The following RELN variants were observed in gnomAD, a reference collection of about 807,000 sequenced individuals.
RELN encodes reelin.
Under a neutral mutation model 427.6 loss-of-function variants are expected in RELN, and 108 were observed. The ratio of observed to expected loss-of-function variants is 0.25; its 90% CI spans 0.22 to 0.30. The LOEUF is 0.30. Among genes scored for constraint, RELN ranks in the 10% least tolerant of loss-of-function variants. The probability of loss-of-function intolerance (pLI) is 1.00; values close to 1 mark genes in which losing one functional copy is unlikely to be tolerated. For synonymous variants in RELN, 1,524 were observed against 1,513.4 expected (o/e 1.01, Z -0.16); for missense variants, 3,715 against 4,302.8 (o/e 0.86, Z 3.82).
intron 14 of RELN, 70 bp downstream of exon 14, chr7:103,652,481 C>A: frequency 8.3e-7 from 1 of 1,209,040 alleles, no homozygotes; most frequent in South Asian, 1.2e-5. Flanking sequence ...CTAGAAACTA[C>A]CTCTTATTTA....
rs1023649284 is a variant in RELN, at chr7:103,728,031, G to A, written c.753+80C>T. ...ATTTGAATTTTCATCTGAACTTTAA[G>A]AGCATAAGAAAAACTTTTGTTGGCA... On this transcript the variant is annotated intron_variant, in intron 7 of 64. Transcript: ENST00000428762. 8 of 1,304,492 alleles carry A rather than the reference G, an allele frequency of 6.1e-6. No homozygotes were observed. In the African/African-American group the frequency reaches 1.2e-4, roughly 19 times the overall value. 80.8% of individuals were successfully genotyped at this position (1,304,492 alleles called of 1,614,324 possible). A position where few individuals can be genotyped will look rare whatever the true frequency, so the allele number is the denominator to read the frequency against.
intron 1 of RELN, among the ~76,000 whole-genome samples, chr7:103,925,835 T>C (rs1795719236): frequency 6.6e-6 from 1 of 152,138 alleles, no homozygotes; most frequent in Non-Finnish European, 1.5e-5. Flanking sequence ...TATAAGCACA[T>C]ACACAGGTGA....
chr7:103,640,527 A>AT lies in RELN; in HGVS notation c.2069+15dup. ...ATCAAAAAGGAGAAGCATAAGTGTT[A>AT]TTTTAAGATGCTTACTTGCAACCAT... On this transcript the variant is annotated intron_variant, in intron 17 of 64. Coordinates refer to ENST00000428762, the MANE Select transcript of RELN (RefSeq NM_005045.4). This position sits in a 1 kb window ranked among gnomAD's most constrained non-coding sequence, Gnocchi z 4.1. 3 of 1,613,004 alleles carry AT rather than the reference A, an allele frequency of 1.9e-6. No homozygotes were observed. Among genetic ancestry groups the AT allele is most frequent in the Non-Finnish European group, 2.5e-6 (3 of 1,179,090 alleles).
chr7:103,677,434 TAA>T (rs1833559147), intron 11 of RELN, among the ~76,000 whole-genome samples: 1 of 146,222 alleles, frequency 6.8e-6, no homozygotes, highest in Non-Finnish European at 1.5e-5. Context: ...ATAATAATAA[TAA>T]TAATAATAAT....
chr7:103,846,948 T>C (rs1272600687), intron 2 of RELN, among the ~76,000 whole-genome samples: 1 of 152,052 alleles, frequency 6.6e-6, no homozygotes, highest in African/African-American at 2.4e-5. Flanking sequence ...TGTGGAGAAA[T>C]AGGAATGCTT....
chr7:103,943,552 C>G (rs1796158222), intron 1 of RELN, among the ~76,000 whole-genome samples: 1 of 151,998 alleles, frequency 6.6e-6, no homozygotes, highest in South Asian at 2.1e-4. Flanking sequence ...CTAAAAAGCT[C>G]CACTTAGAAG....
rs115165703 is a variant in RELN, at chr7:103,989,331, T to G, written c.26A>C (p.Gln9Pro). 4.0e-3 allele frequency: 6,338 copies of G among 1,576,612 alleles called. 227 individuals are homozygous for G. In the African/African-American group the frequency reaches 0.077, roughly 19 times the overall value. MERSGWAR[Q>P]TFLLALLLGA... is the part of the protein sequence containing the mutation. ...CAGCAACAGCGCTAGGAGGAAAGTC[T>G]GCCGGGCCCAGCCACTGCGCTCCAT... Residue 9 changes from glutamine (Q) to proline (P), a missense_variant, in exon 1 of 65, where the codon CAG (glutamine) becomes CCG (proline). Gln to Pro is a moderately conservative substitution (Grantham distance 76). Coordinates refer to ENST00000428762, the MANE Select transcript of RELN (RefSeq NM_005045.4). The surrounding 1 kb of genome is among the most constrained non-coding windows in gnomAD (Gnocchi z 4.9).
chr7:103,613,981 T>C (rs1416022467), intron 20 of RELN, among the ~76,000 whole-genome samples: 4 of 152,192 alleles, frequency 2.6e-5, no homozygotes, highest in Non-Finnish European at 2.9e-5. Context: ...CTGCACCTAA[T>C]GTTTGCATGA....
intron 2 of RELN, among the ~76,000 whole-genome samples, chr7:103,860,595 G>T (rs1002452027): frequency 6.6e-6 from 1 of 152,072 alleles, no homozygotes; most frequent in African/African-American, 2.4e-5. Context: ...CAGCAGTATG[G>T]CAGACGTGGC....
At chr7:103,837,811 C>T (rs1793445717) in intron 2 of RELN, among the ~76,000 whole-genome samples, 1 of 152,164 alleles carries the variant, frequency 6.6e-6, no homozygotes, top group Non-Finnish European at 1.5e-5. Context: ...ATGTGGGACA[C>T]CGCTTTTAAT....
intron 4 of RELN, among the ~76,000 whole-genome samples, chr7:103,775,998 G>A (rs1791729281): frequency 1.3e-5 from 2 of 152,170 alleles, no homozygotes; most frequent in African/African-American, 4.8e-5. Context: ...GTGGATCCTG[G>A]TTTTAACTTT....
chr7:103,939,971 G>A (rs1309645554), intron 1 of RELN, among the ~76,000 whole-genome samples: 1 of 152,042 alleles, frequency 6.6e-6, no homozygotes, highest in Non-Finnish European at 1.5e-5. Flanking sequence ...GGTTACATGG[G>A]CCTGTTTAGT....
rs754967827 is a variant in RELN, at chr7:103,697,988, A to G, written c.1008T>C (p.Gly336=). 71 of 1,613,586 alleles carry G rather than the reference A, an allele frequency of 4.4e-5. No homozygotes were observed. The highest frequency in any genetic ancestry group is 5.9e-5 in the Non-Finnish European group (70 of 1,179,806). The part of the protein sequence containing the change: ...FQWKQENLRV[G]EVYEACWALD... ...AGGCCCAGCAGGCTTCATACACTTC[A>G]CCTACACGAAGATTTTCCTGCTTCC... is the stretch of plus-strand genomic sequence containing the variant. Residue 336 remains glycine (G), a synonymous_variant, in exon 10 of 65, where the codon GGT becomes GGC. Coordinates refer to ENST00000428762, the MANE Select transcript of RELN (RefSeq NM_005045.4).
At chr7:103,727,125 G>A (rs1790231316) in intron 7 of RELN, among the ~76,000 whole-genome samples, 2 of 151,982 alleles carry the variant, frequency 1.3e-5, no homozygotes, top group African/African-American at 4.8e-5. Context: ...TCTTTTAATT[G>A]CCCATCTAGG....
chr7:103,867,128 G>A (rs1426694305), intron 2 of RELN, among the ~76,000 whole-genome samples: 4 of 152,094 alleles, frequency 2.6e-5, no homozygotes, highest in Non-Finnish European at 5.9e-5. Flanking sequence ...TTCTGCAACA[G>A]CTGAATAAGC....
At chr7:103,602,858 C>T (rs976938219) in intron 24 of RELN, among the ~76,000 whole-genome samples, 2 of 152,090 alleles carry the variant, frequency 1.3e-5, no homozygotes, top group African/African-American at 4.8e-5. Context: ...ATAAAGTGGT[C>T]AAATTGGATG....
At chr7:103,519,689 C>T (rs1352721109) in intron 48 of RELN, among the ~76,000 whole-genome samples, 173 bp from the exon 49 acceptor site, 2 of 150,984 alleles carry the variant, frequency 1.3e-5, no homozygotes, top group Non-Finnish European at 2.9e-5. Context: ...TTCAAGTGAT[C>T]CTCCCACCTC....
intron 2 of RELN, among the ~76,000 whole-genome samples, chr7:103,869,479 T>C (rs1421202631): frequency 1.3e-5 from 2 of 152,114 alleles, no homozygotes; most frequent in African/African-American, 4.8e-5. Context: ...CTTTCACTTA[T>C]TCAAAAATAT....
intron 1 of RELN, among the ~76,000 whole-genome samples, chr7:103,934,889 C>A (rs1444815473): frequency 1.3e-5 from 2 of 152,164 alleles, no homozygotes; most frequent in African/African-American, 4.8e-5. Context: ...GAAGACAGAA[C>A]CACACTAGGA....
Sources: allele counts gnomAD v4.1 joint callset (sites outside exome capture counted in the v4.1 genomes callset), GRCh38; gene constraint gnomAD v4.1.1; non-coding constraint Gnocchi (gnomAD v3.1); transcripts MANE v1.5; gene names NCBI Gene and HGNC (gene_info 2026-07-23, HGNC 2026-07-21).